CARS2: variants seen among roughly 807,000 people sequenced by gnomAD.
CARS2 encodes the protein cysteinyl-tRNA synthetase 2, mitochondrial.
CARS2 carries 52 observed loss-of-function variants against 68.8 expected under a neutral mutation model. That is an observed-to-expected ratio of 0.76 (90% CI 0.61 to 0.95). The LOEUF (loss-of-function observed/expected upper bound fraction) is 0.95, where lower values mean the gene tolerates loss of function less well. Ranked by LOEUF, CARS2 falls within the 40% of genes least tolerant of loss-of-function variation. The pLI, the probability that CARS2 is intolerant of heterozygous loss-of-function variation, is 0.00. For synonymous variants in CARS2, 314 were observed against 303.6 expected (o/e 1.03, Z -0.36); for missense variants, 780 against 754.2 (o/e 1.03, Z -0.40).
intron 13 of CARS2, chr13:110,644,172 G>C: frequency 2.7e-6 from 4 of 1,456,108 alleles, no homozygotes. Flanking sequence ...CTGCGCACGA[G>C]AGTTTGCCAA....
Position 110,713,420 on chromosome 13 carries a change from T to C in CARS2, n.116A>G, listed in dbSNP as rs1008228491. On this transcript the variant is annotated non_coding_transcript_exon_variant, in exon 1 of 3. Coordinates refer to the CARS2 transcript ENST00000485188. ...GCTGTGCCGCCCAACAGGCTCTGCC[T>C]CCAAGTGCCAAAAACTCCTAGTAAA... The C allele has an allele frequency of 2.5e-5, 25 of 1,006,832 alleles. No homozygotes were observed. The African/African-American group carries it at 4.1e-4, about 17-fold the overall frequency. The allele number at this position is 1,006,832 out of a possible 1,614,324, so 62.4% of individuals were successfully genotyped here.
At chr13:110,656,272 C>T (rs1248519866) in intron 9 of CARS2, among the ~76,000 whole-genome samples, 1 of 152,166 alleles carries the variant, frequency 6.6e-6, no homozygotes, top group Non-Finnish European at 1.5e-5. Context: ...TAATGCACTA[C>T]AGCCTGGGTG....
At chr13:110,697,047 C>T (rs1427088581) in intron 3 of CARS2, among the ~76,000 whole-genome samples, 2 of 152,184 alleles carry the variant, frequency 1.3e-5, no homozygotes, top group African/African-American at 2.4e-5. Context: ...CTACCAGCTC[C>T]CTGCCACCAG....
intron 12 of CARS2, chr13:110,645,519 CACTT>C (rs1256335573): frequency 6.5e-6 from 1 of 153,102 alleles, no homozygotes; most frequent in Non-Finnish European, 1.5e-5. Flanking sequence ...ACCTGCCAAA[CACTT>C]GCAGTGACCC....
chr13:110,687,236 G>A (rs566550665), intron 5 of CARS2, among the ~76,000 whole-genome samples: 25 of 152,182 alleles, frequency 1.6e-4, no homozygotes, highest in Admixed American at 3.9e-4. Flanking sequence ...CAACCATTTC[G>A]CAAAGAGACA....
At chr13:110,666,796 A>G (rs747815124) in intron 8 of CARS2, 6 of 985,454 alleles carry the variant, frequency 6.1e-6, no homozygotes, top group Non-Finnish European at 7.2e-6. Flanking sequence ...CCAAAAGGTA[A>G]TAAGACTAGT....
At position 110,676,546 on chromosome 13, in the gene CARS2, T is replaced by C. The variant is rs897940588; in HGVS notation, c.785+428A>G. The stretch of plus-strand genomic sequence containing the variant: ...AGGAAGATCTGGGAGGAGCTGGAGA[T>C]TTCCGCCACAGAGCACCCTGGCATG... On this transcript the variant is annotated intron_variant, in intron 7 of 14. Coordinates refer to ENST00000257347, the MANE Select transcript of CARS2 (RefSeq NM_024537.4). This position sits in a 1 kb window ranked among gnomAD's most constrained non-coding sequence, Gnocchi z 4.0. Among the ~76,000 whole-genome samples, 1 of 152,028 alleles carries C rather than the reference T, an allele frequency of 6.6e-6. No homozygotes were observed. The highest frequency in any genetic ancestry group is 1.5e-5 in the Non-Finnish European group (1 of 67,986).
chr13:110,708,739 C>G (rs560017529), upstream of CARS2, among the ~76,000 whole-genome samples: 14 of 151,502 alleles, frequency 9.2e-5, no homozygotes, highest in African/African-American at 3.2e-4. Flanking sequence ...CTAATTTTTG[C>G]ATTTTTATTT....
chr13:110,669,157 G>T (rs1309278173), intron 7 of CARS2, among the ~76,000 whole-genome samples: 2 of 152,180 alleles, frequency 1.3e-5, no homozygotes, highest in Non-Finnish European at 2.9e-5. Context: ...AGTGCAAGTG[G>T]TGGGGGCTTA....
At chr13:110,643,149 CAGTTTTTGTTATT>C (rs1382415837) in intron 13 of CARS2, 2 of 213,714 alleles carry the variant, frequency 9.4e-6, no homozygotes, top group Non-Finnish European at 9.6e-6. Flanking sequence ...TGATAAAAGA[CAGTTTTTGTTATT>C]ACAGAAATAT....
rs1189964054 is a variant in CARS2 at position 110,705,967 on chromosome 13, G to A, written c.127C>T (p.Leu43=). The A allele has an allele frequency of 9.8e-6, 15 of 1,524,946 alleles. No individual in the cohort carries two copies. The highest frequency in any genetic ancestry group is 1.2e-5 in the Non-Finnish European group (14 of 1,140,234). The allele number at this position is 1,524,946 out of a possible 1,614,324, so 94.5% of individuals were successfully genotyped here. The change falls in exon 1 of 15, where the codon CTG becomes TTG. Residue 43 remains leucine (L), a synonymous_variant. Transcript: ENST00000257347. This position sits in a 1 kb window ranked among gnomAD's most constrained non-coding sequence, Gnocchi z 4.0. ...AASGGRGRAW[L]QPTGRETGVQ... ...CCCGTCTCCCGGCCCGTGGGCTGCA[G>A]CCAGGCCCGCCCGCGCCCCCCGCTC...
intron 13 of CARS2, chr13:110,643,959 C>T (rs895466193): frequency 9.8e-6 from 4 of 407,328 alleles, no homozygotes; most frequent in South Asian, 2.1e-5. Context: ...GCAGGTGACT[C>T]GTGCCTGTCG....
At chr13:110,646,778 C>T (rs940653823) in intron 11 of CARS2, 15 of 275,748 alleles carry the variant, frequency 5.4e-5, no homozygotes, top group African/African-American at 8.7e-5. Context: ...CTGCCAGCGC[C>T]GTCTCCCTGG....
In CARS2 at chr13:110,691,585, G is replaced by A. The variant is rs142338570; in HGVS notation, c.394-3567C>T. On this transcript the variant is annotated intron_variant, in intron 3 of 14. Transcript: ENST00000257347. ...GACCTGCCTTGAATGCGGCTATGAC[G>A]CCTCTATCTACCTCTGGCTTATGTT... Among the ~76,000 whole-genome samples the A allele has an allele frequency of 2.7e-3, 406 of 152,124 alleles. 4 individuals are homozygous for A. The highest frequency in any genetic ancestry group is 9.3e-3 in the African/African-American group (387 of 41,508).
chr13:110,700,386 G>C (rs751734404), intron 3 of CARS2, among the ~76,000 whole-genome samples: 1 of 152,226 alleles, frequency 6.6e-6, no homozygotes, highest in African/African-American at 2.4e-5. Flanking sequence ...TTCCTGACTG[G>C]GAGGGCTGTG....
chr13:110,694,635 T>C (rs548012878), intron 3 of CARS2, among the ~76,000 whole-genome samples: 13 of 152,110 alleles, frequency 8.5e-5, no homozygotes, highest in Admixed American at 8.5e-4. Context: ...AGACCCTGTC[T>C]CAAAACAAAA....
intron 13 of CARS2, 55 bp from the exon 14 acceptor site, chr13:110,642,576 C>CT (rs770310270): frequency 8.9e-5 from 137 of 1,538,368 alleles, no homozygotes; most frequent in Non-Finnish European, 1.1e-4. Flanking sequence ...TGTGGATGCC[C>CT]CCTCCCCACC....
At chr13:110,707,855 G>C (rs542566559), upstream of CARS2, among the ~76,000 whole-genome samples, 2 of 152,132 alleles carry the variant, frequency 1.3e-5, no homozygotes, top group Non-Finnish European at 2.9e-5. Context: ...TCAATATCCT[G>C]GAGTCCAACT....
chr13:110,702,549 C>CA (rs1196016021), intron 2 of CARS2, among the ~76,000 whole-genome samples: 1 of 152,012 alleles, frequency 6.6e-6, no homozygotes, highest in African/African-American at 2.4e-5. Context: ...GTGAGATTTA[C>CA]AAGAAAAAAA....
Sources: allele counts gnomAD v4.1 joint callset (sites outside exome capture counted in the v4.1 genomes callset), GRCh38; gene constraint gnomAD v4.1.1; non-coding constraint Gnocchi (gnomAD v3.1); transcripts MANE v1.5; gene names NCBI Gene and HGNC (gene_info 2026-07-23, HGNC 2026-07-21).